The following CCDC34 variants were observed in gnomAD, a reference collection of about 807,000 sequenced individuals.
CCDC34 encodes the protein coiled-coil domain-containing protein 34.
CCDC34 carries 40 observed loss-of-function variants against 44.1 expected under a neutral mutation model. The observed-to-expected ratio is 0.91, with a 90% CI of 0.70 to 1.18. The LOEUF is 1.18. CCDC34 is among the 50% of genes most tolerant of loss of function. The probability of loss-of-function intolerance (pLI) is 0.00; values close to 1 mark genes in which losing one functional copy is unlikely to be tolerated. For synonymous variants in CCDC34, 159 were observed against 158.2 expected (o/e 1.01, Z -0.04); for missense variants, 466 against 452.3 (o/e 1.03, Z -0.28).
At chr11:27,348,918 A>C in intron 3 of CCDC34, 1 of 984,604 alleles carries the variant, frequency 1.0e-6, no homozygotes, top group Non-Finnish European at 1.2e-6. Context: ...ACATTACGGA[A>C]TTTTGCCTTC....
At chr11:27,346,888 A>G (rs761842539) in intron 3 of CCDC34, among the ~76,000 whole-genome samples, 22 of 152,176 alleles carry the variant, frequency 1.4e-4, no homozygotes, top group Admixed American at 5.2e-4. Flanking sequence ...AAGAAGAGGA[A>G]GAGACACCAG....
At chr11:27,355,720 T>C (rs903909602) in intron 2 of CCDC34, among the ~76,000 whole-genome samples, 2 of 152,190 alleles carry the variant, frequency 1.3e-5, no homozygotes, top group South Asian at 2.1e-4. Context: ...TTTATTATTC[T>C]TGCCTAACAT....
intron 3 of CCDC34, chr11:27,348,885 G>A (rs1012742878): frequency 5.7e-5 from 56 of 978,550 alleles, no homozygotes; most frequent in Non-Finnish European, 6.7e-5. Context: ...TAACGTCTCA[G>A]TTTTATTTTT....
chr11:27,359,952 A>T (rs11029975), intron 1 of CCDC34, among the ~76,000 whole-genome samples: 38,984 of 152,058 alleles, frequency 0.26, 5,457 homozygotes, highest in Non-Finnish European at 0.32. Flanking sequence ...ATCTCAACTC[A>T]TTTTTTTATT....
chr11:27,362,516 T>A (rs1253948699), intron 1 of CCDC34, among the ~76,000 whole-genome samples: 2 of 152,222 alleles, frequency 1.3e-5, no homozygotes, highest in Non-Finnish European at 1.5e-5. Flanking sequence ...CAGTGCACAA[T>A]CTGGCTTTTG....
rs144875729 is a variant in CCDC34 at position 27,362,145 on chromosome 11, G to T, written c.359+691C>A. 1.5e-3 allele frequency among the ~76,000 whole-genome samples: 223 copies of T among 152,366 alleles called. 6 individuals carry two copies. In the East Asian group the frequency reaches 0.035, roughly 24 times the overall value. On this transcript the variant is annotated intron_variant, in intron 1 of 5. Coordinates refer to ENST00000328697, the MANE Select transcript of CCDC34 (RefSeq NM_030771.2). ...ATTTAGGCTTCAATTCATGAGAGTA[G>T]AGACCAGTATCTTGTTTACGGTCCC...
At chr11:27,350,632 A>G (rs1424100938) in intron 2 of CCDC34, among the ~76,000 whole-genome samples, 193 bp from the exon 3 acceptor site, 1 of 152,230 alleles carries the variant, frequency 6.6e-6, no homozygotes, top group African/African-American at 2.4e-5. Flanking sequence ...AGTATAAGTC[A>G]TTTTTTAGAA....
chr11:27,346,329 G>A (rs896274349), intron 3 of CCDC34, among the ~76,000 whole-genome samples: 1 of 151,464 alleles, frequency 6.6e-6, no homozygotes, highest in Non-Finnish European at 1.5e-5. Context: ...CCGGGAGGCA[G>A]AGGTGCGGTG....
chr11:27,342,292 TATA>T (rs1862371730), intron 3 of CCDC34, among the ~76,000 whole-genome samples: 1 of 1,554 alleles, frequency 6.4e-4, no homozygotes, highest in Admixed American at 7.9e-3. Context: ...AAACAGGGGC[TATA>T]TATATATATA....
intron 1 of CCDC34, among the ~76,000 whole-genome samples, chr11:27,360,810 T>C (rs184607014): frequency 4.6e-5 from 7 of 152,342 alleles, no homozygotes; most frequent in Non-Finnish European, 7.3e-5. Context: ...TCACTTTTTA[T>C]AACACAAAGT....
rs1862597755 is a variant in CCDC34, at chr11:27,357,562, T to C, written c.360-21A>G. On this transcript the variant is annotated intron_variant, in intron 1 of 5. Transcript: ENST00000328697. The stretch of plus-strand genomic sequence containing the variant: ...GAGTGCTACAAAAGAGAGGCTACTA[T>C]AGTACTTGTACAAGAACCTCTTTTG... 1.9e-6 allele frequency: 3 copies of C among 1,607,776 alleles called. No individual in the cohort carries two copies. The Admixed American group carries it at 5.0e-5, about 27-fold the overall frequency.
At chr11:27,357,579 C>T (rs1339924122) in intron 1 of CCDC34, 38 bp from the exon 2 acceptor site, 2 of 1,593,798 alleles carry the variant, frequency 1.3e-6, no homozygotes, top group Non-Finnish European at 8.6e-7. Flanking sequence ...TGTACAAGAA[C>T]CTCTTTTGCT....
Position 27,341,459 on chromosome 11 carries a change from T to G in CCDC34, c.698A>C (p.Lys233Thr). Residue 233 changes from lysine (K) to threonine (T), a missense_variant, in exon 4 of 6, where the codon AAA becomes ACA. Coordinates refer to ENST00000328697, the MANE Select transcript of CCDC34 (RefSeq NM_030771.2). The stretch of plus-strand genomic sequence containing the variant: ...CTTTAACCATTCTTGATATTTTTCT[T>G]TTGCTTTTTCTTGCAAGTATTCTTT... ...LEKEYLQEKA[K>T]EKYQEWLKKK... The G allele has an allele frequency of 4.8e-6, 7 of 1,467,404 alleles. No individual in the cohort carries two copies. The highest frequency in any genetic ancestry group is 5.5e-6 in the Non-Finnish European group (6 of 1,084,204). 90.9% of individuals were successfully genotyped at this position (1,467,404 alleles called of 1,614,324 possible).
At chr11:27,350,583 T>A (rs1241762795) in intron 2 of CCDC34, 144 bp from the exon 3 acceptor site, 1 of 695,010 alleles carries the variant, frequency 1.4e-6, no homozygotes, top group African/African-American at 1.8e-5. Context: ...AATAACTTAC[T>A]TAAGTAACCA....
At chr11:27,354,240 A>G (rs1862541511) in intron 2 of CCDC34, among the ~76,000 whole-genome samples, 2 of 152,236 alleles carry the variant, frequency 1.3e-5, no homozygotes, top group African/African-American at 4.8e-5. Context: ...ATGTCAAACT[A>G]CTAAATATAT....
intron 2 of CCDC34, among the ~76,000 whole-genome samples, chr11:27,356,810 C>A (rs1862581641): frequency 6.7e-6 from 1 of 148,468 alleles, no homozygotes; most frequent in Non-Finnish European, 1.5e-5. Context: ...GAAAGACTAG[C>A]AAGCAGTTTC....
intron 3 of CCDC34, among the ~76,000 whole-genome samples, chr11:27,346,637 A>G (rs897863608): frequency 1.3e-5 from 2 of 152,208 alleles, no homozygotes; most frequent in African/African-American, 4.8e-5. Context: ...AAAATGGGCA[A>G]ATGACTTAAC....
rs556110199 is a variant in CCDC34 at position 27,338,619 on chromosome 11, C to G, written c.*202G>C. 5.8e-6 allele frequency: 3 copies of G among 521,164 alleles called. No homozygotes were observed. In the African/African-American group the frequency reaches 6.0e-5, roughly 10 times the overall value. 32.3% of individuals were successfully genotyped at this position (521,164 alleles called of 1,614,324 possible). ...GCCACTTATTCTGCAAAACAACATGCCAAGATCAACCTTAAAAAGTTTATA... is the reference window on the plus strand; with the variant it reads ...GCCACTTATTCTGCAAAACAACATGGCAAGATCAACCTTAAAAAGTTTATA... On this transcript the variant is annotated 3_prime_UTR_variant, in exon 6 of 6. Coordinates refer to ENST00000328697, the MANE Select transcript of CCDC34 (RefSeq NM_030771.2).
At chr11:27,356,162 G>C (rs558398080) in intron 2 of CCDC34, among the ~76,000 whole-genome samples, 2 of 151,540 alleles carry the variant, frequency 1.3e-5, no homozygotes, top group African/African-American at 2.4e-5. Flanking sequence ...GGGATTACAG[G>C]CATGCACCAC....
Sources: allele counts gnomAD v4.1 joint callset (sites outside exome capture counted in the v4.1 genomes callset), GRCh38; gene constraint gnomAD v4.1.1; transcripts MANE v1.5; gene names NCBI Gene and HGNC (gene_info 2026-07-23, HGNC 2026-07-21).